The following TPRG1 variants were observed in gnomAD, a reference collection of about 807,000 sequenced individuals.
TPRG1 encodes tumor protein p63 regulated 1, also known as tumor protein p63-regulated gene 1 protein.
TPRG1 carries 29 observed loss-of-function variants against 29.3 expected under a neutral mutation model. The ratio of observed to expected loss-of-function variants is 0.99; its 90% CI spans 0.74 to 1.35. The LOEUF (loss-of-function observed/expected upper bound fraction) is 1.35, where lower values mean the gene tolerates loss of function less well. Ranked by LOEUF, TPRG1 falls within the 40% of genes most tolerant of loss-of-function variation. TPRG1 has a pLI of 0.00. For missense variants in TPRG1, 327 were observed against 335.0 expected, an observed-to-expected ratio of 0.98 and a Z score of 0.19; for synonymous variants, 130 against 116.8, an observed-to-expected ratio of 1.11 and a Z score of -0.73.
At chr3:189,065,653 G>A (rs9883421) in intron 4 of TPRG1, among the ~76,000 whole-genome samples, 5,455 of 152,000 alleles carry the variant, frequency 0.036, 322 homozygotes, top group African/African-American at 0.13. Flanking sequence ...TTATAAATAG[G>A]AATTACTATG....
chr3:189,144,133 C>T (rs1469269384), intron 3 of TPRG1, among the ~76,000 whole-genome samples: 3 of 152,156 alleles, frequency 2.0e-5, no homozygotes, highest in African/African-American at 7.2e-5. Flanking sequence ...TCATTATTGT[C>T]TTCTCCTTGC....
intron 4 of TPRG1, among the ~76,000 whole-genome samples, chr3:189,024,211 G>A (rs1713532592): frequency 6.6e-6 from 1 of 152,220 alleles, no homozygotes. Context: ...TGGAGGCCCT[G>A]GCTGGGAGAA....
At chr3:189,137,749 C>T (rs1348735988) in intron 3 of TPRG1, among the ~76,000 whole-genome samples, 4 of 152,138 alleles carry the variant, frequency 2.6e-5, no homozygotes, top group Non-Finnish European at 4.4e-5. Context: ...GCTTCTCTCA[C>T]GTGAGCATCC....
intron 3 of TPRG1, among the ~76,000 whole-genome samples, chr3:189,023,318 G>C (rs1252590576): frequency 6.6e-6 from 1 of 152,206 alleles, no homozygotes; most frequent in Non-Finnish European, 1.5e-5. Flanking sequence ...GCATGGTGAA[G>C]TTCTTGTACT....
At chr3:189,296,471 C>T (rs948318372) in intron 4 of TPRG1, among the ~76,000 whole-genome samples, 2 of 152,116 alleles carry the variant, frequency 1.3e-5, no homozygotes, top group Admixed American at 1.3e-4. Flanking sequence ...TACAATTATA[C>T]ACAGACATAC....
chr3:189,308,122 A>G (rs569455148), intron 4 of TPRG1, among the ~76,000 whole-genome samples: 2 of 152,344 alleles, frequency 1.3e-5, no homozygotes, highest in African/African-American at 4.8e-5. Flanking sequence ...GAGATTCTAA[A>G]GAACAGATGA....
intron 4 of TPRG1, among the ~76,000 whole-genome samples, chr3:189,032,043 A>C (rs1713960080): frequency 6.6e-6 from 1 of 152,200 alleles, no homozygotes; most frequent in African/African-American, 2.4e-5. Context: ...ATATATCCAC[A>C]TCCTAATGTT....
intron 4 of TPRG1, among the ~76,000 whole-genome samples, chr3:189,148,908 C>G (rs909204467): frequency 6.6e-6 from 1 of 152,310 alleles, no homozygotes; most frequent in East Asian, 1.9e-4. Flanking sequence ...TCTCCCGTTC[C>G]TGGAACATGC....
At chr3:189,305,835 T>A (rs1721544168) in intron 4 of TPRG1, among the ~76,000 whole-genome samples, 1 of 152,188 alleles carries the variant, frequency 6.6e-6, no homozygotes, top group African/African-American at 2.4e-5. Flanking sequence ...ACCAAGTCCT[T>A]ATGGGACCCT....
intron 4 of TPRG1, among the ~76,000 whole-genome samples, chr3:189,252,036 C>T (rs577065943): frequency 2.0e-5 from 3 of 152,086 alleles, no homozygotes; most frequent in East Asian, 3.9e-4. Context: ...GAGGTCCCTG[C>T]GGCCTTCTGC....
intron 4 of TPRG1, among the ~76,000 whole-genome samples, chr3:189,278,982 T>C (rs554769959): frequency 6.6e-6 from 1 of 152,344 alleles, no homozygotes; most frequent in African/African-American, 2.4e-5. Flanking sequence ...CCTGTTAAAA[T>C]GTATTTGACA....
chr3:189,195,780 T>C (rs1328502413), intron 1 of TPRG1, among the ~76,000 whole-genome samples: 1 of 152,118 alleles, frequency 6.6e-6, no homozygotes, highest in Non-Finnish European at 1.5e-5. Flanking sequence ...AGACAGAAGT[T>C]CCTCCTAGTT....
chr3:189,067,928 G>A (rs552685057), intron 4 of TPRG1, among the ~76,000 whole-genome samples: 71 of 152,142 alleles, frequency 4.7e-4, no homozygotes, highest in Middle Eastern at 3.4e-3. Flanking sequence ...GGCTGACAAG[G>A]GATTACTATC....
At chr3:189,121,050 G>A (rs1365750898) in intron 1 of TPRG1, among the ~76,000 whole-genome samples, 1 of 152,176 alleles carries the variant, frequency 6.6e-6, no homozygotes, top group African/African-American at 2.4e-5. Flanking sequence ...CCAGAATGTG[G>A]TAGGTGAAAA....
intron 4 of TPRG1, among the ~76,000 whole-genome samples, chr3:189,279,462 G>A (rs184848656): frequency 2.7e-4 from 41 of 152,188 alleles, no homozygotes; most frequent in African/African-American, 9.2e-4. Flanking sequence ...GGAGTCAGGT[G>A]GACCTTCATT....
intron 4 of TPRG1, among the ~76,000 whole-genome samples, chr3:189,034,253 T>C (rs759525621): frequency 5.9e-5 from 9 of 152,168 alleles, no homozygotes; most frequent in Non-Finnish European, 1.0e-4. Flanking sequence ...ATGAATTATC[T>C]TACCAGTCAA....
intron 4 of TPRG1, among the ~76,000 whole-genome samples, chr3:189,279,982 T>G (rs548176566): frequency 1.4e-4 from 22 of 152,248 alleles, no homozygotes; most frequent in African/African-American, 5.1e-4. Flanking sequence ...TCACGGGTCT[T>G]TATCTGGAAA....
At chr3:189,274,739 A>T (rs1401529061) in intron 4 of TPRG1, among the ~76,000 whole-genome samples, 3 of 152,188 alleles carry the variant, frequency 2.0e-5, no homozygotes, top group Non-Finnish European at 2.9e-5. Context: ...TTGTCCCTCA[A>T]CTTGGAAATA....
intron 1 of TPRG1, chr3:189,191,087 T>TG: frequency 4.4e-6 from 2 of 458,244 alleles, no homozygotes; most frequent in Non-Finnish European, 5.7e-6. Flanking sequence ...AATATACATG[T>TG]ATTCTTACTT....
Sources: gnomAD v4.1 joint callset for allele counts (sites outside exome capture counted in the v4.1 genomes callset) on GRCh38, gnomAD v4.1.1 for gene constraint, MANE v1.5 for transcripts, NCBI Gene and HGNC (gene_info 2026-07-23, HGNC 2026-07-21) for gene names.